ZSCAN4: variants seen among roughly 807,000 people sequenced by gnomAD.
ZSCAN4 encodes zinc finger and SCAN domain containing 4.
A neutral mutation model predicts 18.3 loss-of-function variants in ZSCAN4; 18 were observed. That is an observed-to-expected ratio of 0.98 (90% CI 0.68 to 1.46). The LOEUF (loss-of-function observed/expected upper bound fraction) is 1.46. ZSCAN4 is among the 40% of genes most tolerant of loss of function. The pLI, the probability that ZSCAN4 is intolerant of heterozygous loss-of-function variation, is 0.00. For missense variants in ZSCAN4, 498 were observed against 511.4 expected, an observed-to-expected ratio of 0.97 and a Z score of 0.25; for synonymous variants, 193 against 180.3, an observed-to-expected ratio of 1.07 and a Z score of -0.57.
chr19:57,667,768 A>C (rs953927043), upstream of ZSCAN4, among the ~76,000 whole-genome samples: 4 of 152,146 alleles, frequency 2.6e-5, no homozygotes, highest in African/African-American at 9.7e-5. Context: ...CTCCTTACAG[A>C]GCTCAAGGAA....
At chr19:57,662,104 A>G in the ZSCAN4 span, among the ~76,000 whole-genome samples, 10 of 151,958 alleles carry the variant, frequency 6.6e-5, no homozygotes, top group Non-Finnish European at 1.5e-4. Context: ...GGAAAAGAAA[A>G]AAAGAACTGC....
the ZSCAN4 span, among the ~76,000 whole-genome samples, chr19:57,661,840 G>A: frequency 1.3e-5 from 2 of 152,166 alleles, no homozygotes; most frequent in African/African-American, 4.8e-5. Context: ...CCAGCACTTT[G>A]GGAGGCTGAG....
At chr19:57,656,429 C>G in the ZSCAN4 span, among the ~76,000 whole-genome samples, 1 of 152,226 alleles carries the variant, frequency 6.6e-6, no homozygotes, top group African/African-American at 2.4e-5. Flanking sequence ...ACATCCACAA[C>G]CACTTCCATG....
the ZSCAN4 span, among the ~76,000 whole-genome samples, chr19:57,658,103 T>C: frequency 3.3e-5 from 5 of 152,290 alleles, no homozygotes; most frequent in African/African-American, 1.2e-4. Context: ...CAAAAACAAA[T>C]GTCTATGCAC....
chr19:57,669,247 A>C (rs73575230), intron 1 of ZSCAN4, 44 bp downstream of exon 1: 6,746 of 151,554 alleles, frequency 0.045, 466 homozygotes, highest in African/African-American at 0.15. Context: ...TTTTAATAGA[A>C]ACCGGGTTTA....
At chr19:57,653,832 A>T in the ZSCAN4 span, among the ~76,000 whole-genome samples, 1 of 152,132 alleles carries the variant, frequency 6.6e-6, no homozygotes, top group South Asian at 2.1e-4. Flanking sequence ...ACCTTGCCCC[A>T]TCTGTGGTAT....
the ZSCAN4 span, among the ~76,000 whole-genome samples, chr19:57,655,558 C>G: frequency 6.6e-6 from 1 of 152,098 alleles, no homozygotes; most frequent in Non-Finnish European, 1.5e-5. Context: ...CAAAAACTCA[C>G]CCTCTATCAA....
chr19:57,678,005 C>T (rs751876348), exon 4 of ZSCAN4: 3 of 1,601,828 alleles, frequency 1.9e-6, no homozygotes, highest in Non-Finnish European at 2.6e-6. Flanking sequence ...CAAGTGAATG[C>T]CCAAACCACA....
chr19:57,667,003 G>C (rs980121010), upstream of ZSCAN4, among the ~76,000 whole-genome samples: 1 of 152,146 alleles, frequency 6.6e-6, no homozygotes, highest in South Asian at 2.1e-4. Context: ...ACTCACACTG[G>C]AGCGGGGATA....
chr19:57,664,723 G>A (rs1012594551), upstream of ZSCAN4: 2 of 221,504 alleles, frequency 9.0e-6, no homozygotes, highest in Non-Finnish European at 1.9e-5. Context: ...AATTCAGTGG[G>A]GCAAGCGAAG....
intron 2 of ZSCAN4, among the ~76,000 whole-genome samples, chr19:57,671,146 A>C (rs1187622396): frequency 6.6e-6 from 1 of 152,124 alleles, no homozygotes; most frequent in Non-Finnish European, 1.5e-5. Context: ...TACAGATGTG[A>C]GCCACTGTGC....
At chr19:57,675,177 T>G (rs1984145183) in intron 2 of ZSCAN4, among the ~76,000 whole-genome samples, 1 of 146,900 alleles carries the variant, frequency 6.8e-6, no homozygotes, top group African/African-American at 2.5e-5. Context: ...AGACGGAGTC[T>G]TGCTCTGTCA....
exon 5 of ZSCAN4, chr19:57,678,459 G>T (rs969203428): frequency 2.5e-6 from 4 of 1,614,110 alleles, no homozygotes; most frequent in Non-Finnish European, 3.4e-6. Context: ...CCCTGAGTCT[G>T]CCCTTACCCA....
the ZSCAN4 span, among the ~76,000 whole-genome samples, chr19:57,658,564 T>C: frequency 6.6e-6 from 1 of 152,182 alleles, no homozygotes; most frequent in Non-Finnish European, 1.5e-5. Context: ...CCGGGTGCAG[T>C]GGCTCAGGCC....
chr19:57,667,069 CA>C (rs1421985414), upstream of ZSCAN4, among the ~76,000 whole-genome samples: 1 of 152,080 alleles, frequency 6.6e-6, no homozygotes, highest in Non-Finnish European at 1.5e-5. Flanking sequence ...CTATTTTTAC[CA>C]AAGGCAGCAC....
the ZSCAN4 span, among the ~76,000 whole-genome samples, chr19:57,663,519 C>CAAAAAAAAAAAAAAAA: frequency 0.014 from 252 of 18,258 alleles, 5 homozygotes; most frequent in African/African-American, 0.05. Flanking sequence ...AACCATGTCT[C>CAAAAAAAAAAAAAAAA]TAAAAAAAAA....
intron 2 of ZSCAN4, among the ~76,000 whole-genome samples, chr19:57,671,510 A>AGAG (rs111284805): frequency 4.8e-5 from 7 of 146,586 alleles, no homozygotes; most frequent in African/African-American, 1.3e-4. Context: ...AAAAAAAAAA[A>AGAG]AGAGAGAGAG....
chr19:57,657,351 A>G, the ZSCAN4 span, among the ~76,000 whole-genome samples: 1 of 152,150 alleles, frequency 6.6e-6, no homozygotes, highest in Non-Finnish European at 1.5e-5. Flanking sequence ...TGATATATGA[A>G]TGGTATATAA....
At chr19:57,658,349 G>A in the ZSCAN4 span, among the ~76,000 whole-genome samples, 1 of 152,164 alleles carries the variant, frequency 6.6e-6, no homozygotes, top group African/African-American at 2.4e-5. Context: ...ACTGCAAAGG[G>A]CAGAAGAGTA....
Sources: gnomAD v4.1 joint callset for allele counts (sites outside exome capture counted in the v4.1 genomes callset) on GRCh38, gnomAD v4.1.1 for gene constraint, MANE v1.5 for transcripts, NCBI Gene and HGNC (gene_info 2026-07-23, HGNC 2026-07-21) for gene names.